EEA1: variants seen among roughly 807,000 people sequenced by gnomAD.
EEA1 encodes early endosome antigen 1, also known as early endosome antigen 1, 162kD.
EEA1 carries 111 observed loss-of-function variants against 209.2 expected under a neutral mutation model. That is an observed-to-expected ratio of 0.53 (90% CI 0.45 to 0.62). The LOEUF is 0.62. Ranked by LOEUF, EEA1 falls within the 20% of genes least tolerant of loss-of-function variation. The pLI is 0.00. For synonymous variants in EEA1, 536 were observed against 540.6 expected, an observed-to-expected ratio of 0.99 and a Z score of 0.12; for missense variants, 1,343 against 1,530.8, an observed-to-expected ratio of 0.88 and a Z score of 2.05.
intron 18 of EEA1, among the ~76,000 whole-genome samples, chr12:92,808,188 C>G (rs1037183823): frequency 6.6e-6 from 1 of 152,006 alleles, no homozygotes; most frequent in Non-Finnish European, 1.5e-5. Flanking sequence ...ACCATATAGA[C>G]ACATAGACTG....
At chr12:92,811,568 G>A (rs887432704) in intron 16 of EEA1, 134 bp from the exon 17 acceptor site, 4 of 521,648 alleles carry the variant, frequency 7.7e-6, no homozygotes, top group South Asian at 1.2e-4. Context: ...TAAATCTAAT[G>A]ATATATCAGA....
chr12:92,809,598 G>C (rs1875394133), intron 17 of EEA1, among the ~76,000 whole-genome samples: 1 of 151,168 alleles, frequency 6.6e-6, no homozygotes, highest in African/African-American at 2.4e-5. Context: ...AAGACGCCGA[G>C]GCAGGAGAAC....
intron 18 of EEA1, among the ~76,000 whole-genome samples, chr12:92,808,054 T>C (rs1174837128): frequency 1.3e-5 from 2 of 152,154 alleles, no homozygotes; most frequent in Non-Finnish European, 1.5e-5. Context: ...ATTAAAAATA[T>C]CTTCTGGTTT....
chr12:92,914,793 A>G (rs1880706946), intron 1 of EEA1, among the ~76,000 whole-genome samples: 1 of 152,042 alleles, frequency 6.6e-6, no homozygotes, highest in South Asian at 2.1e-4. Context: ...CCTCCCAAGT[A>G]ACTGGAAGAA....
chr12:92,819,258 T>G (rs1189525252), intron 14 of EEA1, 50 bp downstream of exon 14: 2 of 1,436,998 alleles, frequency 1.4e-6, no homozygotes, highest in African/African-American at 2.9e-5. Context: ...TAGTAAGACT[T>G]AGAGAGACAG....
At chr12:92,835,222 A>G (rs1007151224) in intron 10 of EEA1, among the ~76,000 whole-genome samples, 3 of 151,936 alleles carry the variant, frequency 2.0e-5, no homozygotes, top group Admixed American at 6.6e-5. Flanking sequence ...TAAGTTACTG[A>G]ATTTCATAAA....
intron 22 of EEA1, 129 bp from the exon 23 acceptor site, chr12:92,782,264 G>T: frequency 1.9e-6 from 1 of 538,772 alleles, no homozygotes; most frequent in Non-Finnish European, 3.0e-6. Flanking sequence ...CCTTCAGTAA[G>T]ACAGGTAAAA....
rs188151072 is a variant in EEA1, at chr12:92,912,766, G to A, written c.24+16277C>T. ...TACGTCTATCTGTATCCATTGTCTA[G>A]CTCCCACTTATAAGTGAGAACATGC... On this transcript the variant is annotated intron_variant, in intron 1 of 28. Coordinates refer to ENST00000322349, the MANE Select transcript of EEA1 (RefSeq NM_003566.4). Among the ~76,000 whole-genome samples, 393 of 152,056 alleles carry A rather than the reference G, an allele frequency of 2.6e-3. 3 individuals are homozygous for A. Among genetic ancestry groups the A allele is most frequent in the African/African-American group, 8.8e-3 (364 of 41,470 alleles).
At chr12:92,875,968 C>G (rs1461418827) in intron 2 of EEA1, among the ~76,000 whole-genome samples, 1 of 152,182 alleles carries the variant, frequency 6.6e-6, no homozygotes, top group East Asian at 1.9e-4. Flanking sequence ...TCAGAGAAGT[C>G]TTCCCTGATA....
At chr12:92,898,954 GAAAA>G (rs80168486) in intron 1 of EEA1, among the ~76,000 whole-genome samples, 1 of 129,180 alleles carries the variant, frequency 7.7e-6, no homozygotes. Context: ...ACTCATGAGT[GAAAA>G]AAAAAAAAAA....
intron 2 of EEA1, among the ~76,000 whole-genome samples, chr12:92,886,607 A>T: frequency 1.3e-5 from 1 of 74,908 alleles, no homozygotes; most frequent in Admixed American, 1.9e-4. Context: ...AAGGGAGGGG[A>T]GGAAAGGGAA....
At chr12:92,902,727 C>T (rs1273710328) in intron 1 of EEA1, among the ~76,000 whole-genome samples, 11 of 118,080 alleles carry the variant, frequency 9.3e-5, no homozygotes, top group Non-Finnish European at 1.4e-4. Flanking sequence ...GGCAACAGGG[C>T]GAAATTCTGT....
intron 10 of EEA1, among the ~76,000 whole-genome samples, chr12:92,841,174 A>G (rs1317318577): frequency 6.6e-6 from 1 of 152,224 alleles, no homozygotes; most frequent in Non-Finnish European, 1.5e-5. Context: ...GACAATGGTC[A>G]AATAATTTCT....
intron 16 of EEA1, among the ~76,000 whole-genome samples, chr12:92,812,434 C>T (rs1041369915): frequency 1.3e-5 from 2 of 152,060 alleles, no homozygotes; most frequent in Non-Finnish European, 2.9e-5. Flanking sequence ...CAACATTCAC[C>T]GTGACCCTAA....
chr12:92,802,321 A>G, intron 19 of EEA1, 83 bp downstream of exon 19: 1 of 1,286,968 alleles, frequency 7.8e-7, no homozygotes, highest in Non-Finnish European at 1.1e-6. Context: ...AAAGAAAAGC[A>G]AACTGTGAAT....
intron 3 of EEA1, chr12:92,858,586 C>T (rs1018458256): frequency 2.1e-5 from 16 of 746,764 alleles, no homozygotes; most frequent in Admixed American, 7.0e-5. Flanking sequence ...GGCAGAACTA[C>T]GCCATAATGG....
chr12:92,811,991 T>C (rs1262333131), intron 16 of EEA1, among the ~76,000 whole-genome samples: 1 of 152,168 alleles, frequency 6.6e-6, no homozygotes, highest in East Asian at 1.9e-4. Context: ...AAAACTGTTT[T>C]GTTCTGTTTT....
intron 1 of EEA1, among the ~76,000 whole-genome samples, chr12:92,922,866 G>A (rs910539041): frequency 5.9e-5 from 9 of 151,960 alleles, no homozygotes; most frequent in East Asian, 1.9e-4. Flanking sequence ...GCTGAGGCAG[G>A]AGAATTGCTT....
chr12:92,902,396 T>C (rs1880182770), intron 1 of EEA1, among the ~76,000 whole-genome samples: 1 of 152,020 alleles, frequency 6.6e-6, no homozygotes, highest in African/African-American at 2.4e-5. Context: ...TGTGAGAACT[T>C]AGTAAGCGGG....
Sources: gnomAD v4.1 joint callset for allele counts (sites outside exome capture counted in the v4.1 genomes callset) on GRCh38, gnomAD v4.1.1 for gene constraint, MANE v1.5 for transcripts, NCBI Gene and HGNC (gene_info 2026-07-23, HGNC 2026-07-21) for gene names.